Variants in PFKFB1 observed in about 807,000 individuals in gnomAD.
The protein encoded by PFKFB1 is 6-phosphofructo-2-kinase/fructose-2,6-biphosphatase 1, also known as 6-phosphofructo-2-kinase/fructose-2,6-bisphosphatase 1.
In PFKFB1, 34 loss-of-function variants were observed where a neutral mutation model predicts 46.4. That is an observed-to-expected ratio of 0.73 (90% CI 0.56 to 0.98). PFKFB1 has a LOEUF of 0.98. PFKFB1 is among the 50% of genes least tolerant of loss of function. The probability of loss-of-function intolerance (pLI) is 0.00; values close to 1 mark genes in which losing one functional copy is unlikely to be tolerated. For synonymous variants in PFKFB1, 119 were observed against 133.8 expected, an observed-to-expected ratio of 0.89 and a Z score of 0.76; for missense variants, 393 against 376.3, an observed-to-expected ratio of 1.04 and a Z score of -0.37.
intron 1 of PFKFB1, among the ~76,000 whole-genome samples, chrX:54,977,078 T>TA (rs1011397055): frequency 2.7e-5 from 3 of 110,710 alleles, no homozygotes; most frequent in African/African-American, 9.8e-5. Context: ...TCTGACTTTA[T>TA]ACGTTTGTCA....
chrX:54,998,285 T>A (rs923568852), upstream of PFKFB1: 4 of 540,863 alleles, frequency 7.4e-6, no homozygotes, highest in Non-Finnish European at 1.2e-5. Flanking sequence ...TCCCCCACTT[T>A]CCCATGCCCT....
intron 1 of PFKFB1, among the ~76,000 whole-genome samples, chrX:54,972,375 G>T (rs1934698138): frequency 9.2e-6 from 1 of 108,523 alleles, no homozygotes. Flanking sequence ...CCAACACTAT[G>T]TTGAATAGGA....
Position 54,951,958 on chromosome X carries a change from T to C in PFKFB1, c.793A>G (p.Asn265Asp). ...TCACCTCCGATGCGGCCTCTGATGT[T>C]GAGTTCACTCTCGCCATGTCGGCAA... ...YLCRHGESEL[N>D]IRGRIGGDSG... Residue 265 changes from asparagine to aspartate, a missense_variant, in exon 8 of 14, where the codon AAC (asparagine) becomes GAC (aspartate). Asn to Asp is a conservative substitution (Grantham distance 23, BLOSUM62 1). Transcript: ENST00000375006. 2 of 1,210,079 alleles carry C rather than the reference T, an allele frequency of 1.7e-6. No individual in the cohort carries two copies.
chrX:54,982,320 A>C (rs996058848), intron 1 of PFKFB1, among the ~76,000 whole-genome samples: 1 of 111,216 alleles, frequency 9.0e-6, no homozygotes, highest in African/African-American at 3.3e-5. Flanking sequence ...ATGAATTACC[A>C]AAAACCCAAA....
intron 10 of PFKFB1, among the ~76,000 whole-genome samples, chrX:54,940,410 A>G (rs1487080210): frequency 2.7e-5 from 3 of 111,612 alleles, no homozygotes; most frequent in Admixed American, 9.5e-5. Context: ...GGCAGGAGAG[A>G]GAAATAAAGG....
At chrX:54,972,409 C>T (rs1289057550) in intron 1 of PFKFB1, among the ~76,000 whole-genome samples, 3 of 109,376 alleles carry the variant, frequency 2.7e-5, no homozygotes, top group African/African-American at 1.0e-4. Context: ...GCATCCCTGT[C>T]TTGTGCCAGT....
intron 1 of PFKFB1, among the ~76,000 whole-genome samples, chrX:54,991,526 CCT>C (rs369435691): frequency 0.037 from 3,624 of 97,716 alleles, 100 homozygotes; most frequent in African/African-American, 0.1. Flanking sequence ...TCTCTCTCTC[CCT>C]CTCTCTCTCT....
chrX:54,978,956 G>C (rs1021297532), intron 1 of PFKFB1, among the ~76,000 whole-genome samples: 1 of 111,780 alleles, frequency 8.9e-6, no homozygotes, highest in African/African-American at 3.2e-5. Context: ...TAATCCCAAC[G>C]TGGTATGCTG....
At chrX:54,997,966 G>A (rs760970240), upstream of PFKFB1, among the ~76,000 whole-genome samples, 8 of 112,323 alleles carry the variant, frequency 7.1e-5, no homozygotes, top group Non-Finnish European at 1.3e-4. Context: ...CTTCTTGATC[G>A]TGACAGCCCT....
intron 1 of PFKFB1, among the ~76,000 whole-genome samples, chrX:54,988,681 C>T (rs1316218144): frequency 2.7e-5 from 3 of 111,379 alleles, no homozygotes; most frequent in Non-Finnish European, 5.7e-5. Context: ...AGAAGTAAAC[C>T]CTTCAACTTA....
At position 54,945,461 on chromosome X, in the gene PFKFB1, C is replaced by T. The variant is rs370865554; in HGVS notation, c.1076G>A (p.Arg359His). 18 of 1,194,507 alleles carry T rather than the reference C, an allele frequency of 1.5e-5. No individual in the cohort carries two copies. Among genetic ancestry groups the T allele is most frequent in the Non-Finnish European group, 1.9e-5 (17 of 882,500 alleles). ...EFALRDQDKY[R>H]YRYPKGESYE... ...TACCTCTCCCTTGGGATAGCGGTAG[C>T]GATATTTATCTTGGTCTCGCAGTGC... Residue 359 changes from arginine to histidine, a missense_variant, in exon 10 of 14, where the codon CGC (arginine) becomes CAC (histidine). Physicochemically the swap from Arg to His is conservative, Grantham distance 29 (BLOSUM62 0). Transcript: ENST00000375006.
chrX:54,994,276 T>C (rs776022275), upstream of PFKFB1: 12 of 752,013 alleles, frequency 1.6e-5, no homozygotes, highest in Middle Eastern at 7.6e-4. Flanking sequence ...GAGAGGCCTC[T>C]GAACTCCAAG....
chrX:54,995,789 CCTT>C (rs1356458440), upstream of PFKFB1, among the ~76,000 whole-genome samples: 1 of 112,543 alleles, frequency 8.9e-6, no homozygotes, highest in Non-Finnish European at 1.9e-5. Flanking sequence ...TCAGACACCT[CCTT>C]GACTAATCTG....
intron 8 of PFKFB1, among the ~76,000 whole-genome samples, chrX:54,951,164 G>A (rs1273050048): frequency 8.8e-6 from 1 of 113,115 alleles, no homozygotes; most frequent in Non-Finnish European, 1.9e-5. Context: ...AATAAGCCCA[G>A]GCACAGGGCC....
At chrX:54,976,951 G>C (rs181721227) in intron 1 of PFKFB1, among the ~76,000 whole-genome samples, 140 of 110,843 alleles carry the variant, frequency 1.3e-3, no homozygotes, top group Non-Finnish European at 2.1e-3. Flanking sequence ...TAGGAACAGA[G>C]AACTGCTCAG....
At chrX:54,958,549 C>A (rs1226805046) in intron 5 of PFKFB1, among the ~76,000 whole-genome samples, 187 bp from the exon 6 acceptor site, 4 of 110,948 alleles carry the variant, frequency 3.6e-5, no homozygotes, top group African/African-American at 1.3e-4. Flanking sequence ...AACTGAATGA[C>A]CCCAGACTGT....
chrX:54,972,129 G>T (rs1569547103), intron 1 of PFKFB1, among the ~76,000 whole-genome samples: 1 of 110,748 alleles, frequency 9.0e-6, no homozygotes, highest in East Asian at 2.8e-4. Flanking sequence ...TCATGATTTG[G>T]CTCTCTGTTT....
chrX:54,959,647 T>C (rs1054943780), intron 4 of PFKFB1, among the ~76,000 whole-genome samples, 180 bp downstream of exon 4: 2 of 111,735 alleles, frequency 1.8e-5, no homozygotes, highest in African/African-American at 6.5e-5. Context: ...ACCATTCTTC[T>C]GGGCTCTGAA....
chrX:54,958,330 A>T lies in PFKFB1; in HGVS notation c.492T>A (p.Pro164=). The part of the protein sequence containing the change: ...VFFIESICND[P]GIIAENIRQV... Reference sequence around the variant, plus strand: ...CCCTGATGTTTTCTGCAATTATGCCAGGGTCATTACAAATGGACTCAATGA... The same window carrying T: ...CCCTGATGTTTTCTGCAATTATGCCTGGGTCATTACAAATGGACTCAATGA... Residue 164 remains proline (P), a synonymous_variant, in exon 6 of 14, where the codon CCT becomes CCA. Coordinates refer to ENST00000375006, the MANE Select transcript of PFKFB1 (RefSeq NM_002625.4). 1 of 1,186,254 alleles carries T rather than the reference A, an allele frequency of 8.4e-7. No individual in the cohort carries two copies. The highest frequency in any genetic ancestry group is 1.1e-6 in the Non-Finnish European group (1 of 873,380).
Sources: gnomAD v4.1 joint callset for allele counts (sites outside exome capture counted in the v4.1 genomes callset) on GRCh38, gnomAD v4.1.1 for gene constraint, MANE v1.5 for transcripts, NCBI Gene and HGNC (gene_info 2026-07-23, HGNC 2026-07-21) for gene names.